Variants in ZFP62 observed in about 807,000 individuals in gnomAD.
ZFP62 encodes zinc finger protein 62 homolog.
A neutral mutation model predicts 56.4 loss-of-function variants in ZFP62; 44 were observed. The ratio of observed to expected loss-of-function variants is 0.78; its 90% confidence interval spans 0.61 to 1.00. ZFP62 has a LOEUF of 1.00. Among genes scored for constraint, ZFP62 ranks in the 50% least tolerant of loss-of-function variants. The pLI, the probability that ZFP62 is intolerant of heterozygous loss-of-function variation, is 0.00. For missense variants in ZFP62, 1,030 were observed against 1,085.7 expected (o/e 0.95, Z 0.72); for synonymous variants, 421 against 388.9 (o/e 1.08, Z -0.97).
downstream of ZFP62, among the ~76,000 whole-genome samples, chr5:180,845,229 G>A (rs1773388526): frequency 6.6e-6 from 1 of 150,610 alleles, no homozygotes; most frequent in African/African-American, 2.5e-5. Flanking sequence ...AGCTACTCTG[G>A]AGGCTGAGGC....
At chr5:180,839,164 C>G in the ZFP62 span, among the ~76,000 whole-genome samples, 72 of 152,182 alleles carry the variant, frequency 4.7e-4, no homozygotes, top group Non-Finnish European at 9.3e-4. Context: ...TATATACAGT[C>G]AGGTTCCTTT....
the ZFP62 span, among the ~76,000 whole-genome samples, chr5:180,833,458 G>A: frequency 5.1e-4 from 72 of 142,464 alleles, no homozygotes; most frequent in East Asian, 0.012. Flanking sequence ...CAGCCTGGGC[G>A]ATACGGTGAA....
chr5:180,857,797 CT>C (rs5873717), intron 1 of ZFP62, among the ~76,000 whole-genome samples: 110,055 of 143,726 alleles, frequency 0.77, 42,212 homozygotes, highest in East Asian at 0.96. Context: ...GCACCCAGAC[CT>C]TTTTTTTTTT....
In ZFP62 at chr5:180,851,136, T is replaced by C; in HGVS notation, c.359A>G (p.Glu120Gly). Residue 120 changes from glutamate to glycine, a missense_variant, in exon 2 of 2, where the codon GAG (glutamate) becomes GGG (glycine). Coordinates refer to ENST00000502412, the MANE Select transcript of ZFP62 (RefSeq NM_001172638.2). ...QRGSEQGKRV[E>G]NINGTSYPSL... Reference sequence around the variant, plus strand: ...AGGGTAGGAGGTTCCATTAATGTTCTCCACACGTTTGCCTTGCTCACTGCC... The same window carrying C: ...AGGGTAGGAGGTTCCATTAATGTTCCCCACACGTTTGCCTTGCTCACTGCC... 6.4e-7 allele frequency: 1 copy of C among 1,551,768 alleles called. No individual in the cohort carries two copies. The highest frequency in any genetic ancestry group is 8.7e-7 in the Non-Finnish European group (1 of 1,147,002).
At chr5:180,829,719 G>A in the ZFP62 span, among the ~76,000 whole-genome samples, 2 of 152,202 alleles carry the variant, frequency 1.3e-5, no homozygotes, top group African/African-American at 4.8e-5. Flanking sequence ...AAGGTGGAAA[G>A]AGAAGCTCAT....
chr5:180,851,062 C>T lies in ZFP62; in HGVS notation c.433G>A (p.Glu145Lys), dbSNP rs1242713142. 6.4e-7 allele frequency: 1 copy of T among 1,551,732 alleles called. No homozygotes were observed. Among genetic ancestry groups the T allele is most frequent in the East Asian group, 2.4e-5 (1 of 40,926 alleles). ...NAVKKLHKCD[E>K]CGKSFKYNSR... ...TTATATTTGAAGGATTTCCCACATT[C>T]ATCACATTTATGTAATTTCTTAACA... The change falls in exon 2 of 2, where the codon GAA becomes AAA. Residue 145 changes from glutamate to lysine, a missense_variant. Glu to Lys is a moderately conservative substitution (Grantham distance 56). Transcript: ENST00000502412.
At position 180,852,283 on chromosome 5, in the gene ZFP62, T is replaced by C. The variant is rs564501163; in HGVS notation, c.2-790A>G. The stretch of plus-strand genomic sequence containing the variant: ...GGAAAAAGATAAAATTAAGGCTGGG[T>C]GCAGTGGCTCACACCTGTAATCCCA... On this transcript the variant is annotated intron_variant, in intron 1 of 1. Coordinates refer to ENST00000502412, the MANE Select transcript of ZFP62 (RefSeq NM_001172638.2). Among the ~76,000 whole-genome samples, 14 of 152,112 alleles carry C rather than the reference T, an allele frequency of 9.2e-5. No individual in the cohort carries two copies. The East Asian group carries it at 2.1e-3, about 23-fold the overall frequency.
chr5:180,827,663 C>A, the ZFP62 span, among the ~76,000 whole-genome samples: 1 of 152,174 alleles, frequency 6.6e-6, no homozygotes, highest in Non-Finnish European at 1.5e-5. Flanking sequence ...AAGACCTGAC[C>A]GTCCCCCAGC....
the ZFP62 span, among the ~76,000 whole-genome samples, chr5:180,827,895 G>A: frequency 1.1e-4 from 16 of 152,256 alleles, no homozygotes; most frequent in Non-Finnish European, 2.4e-4. Context: ...GTAAAGCATT[G>A]AGATGTTTAT....
At chr5:180,843,186 G>T (rs1773349659), downstream of ZFP62, among the ~76,000 whole-genome samples, 3 of 151,604 alleles carry the variant, frequency 2.0e-5, no homozygotes. Context: ...ATATAGGATG[G>T]AAGGTAAGAA....
the ZFP62 span, among the ~76,000 whole-genome samples, chr5:180,840,201 C>G: frequency 5.9e-4 from 90 of 152,314 alleles, no homozygotes; most frequent in Non-Finnish European, 2.1e-4. Flanking sequence ...TGCTTGGGCA[C>G]AGTGGACAGT....
Position 180,857,174 on chromosome 5 carries a change from C to A in ZFP62, c.1+4045G>T, listed in dbSNP as rs145962627. Among the ~76,000 whole-genome samples the A allele has an allele frequency of 6.8e-3, 1,031 of 152,130 alleles. 2 individuals are homozygous for A. Among genetic ancestry groups the A allele is most frequent in the Non-Finnish European group, 0.012 (791 of 67,996 alleles). On this transcript the variant is annotated intron_variant, in intron 1 of 1. Coordinates refer to ENST00000502412, the MANE Select transcript of ZFP62 (RefSeq NM_001172638.2). ...AACCATAAGGAGTCCAGACTTGATC[C>A]TCGGGAGCTTCGGGCAAAGGAGTAG...
At chr5:180,851,666 A>G (rs1026100388) in intron 1 of ZFP62, among the ~76,000 whole-genome samples, 173 bp from the exon 2 acceptor site, 6 of 152,268 alleles carry the variant, frequency 3.9e-5, no homozygotes, top group African/African-American at 1.4e-4. Context: ...AACAATGAAT[A>G]TGACAAAATT....
chr5:180,848,156 A>G lies in ZFP62; in HGVS notation c.*636T>C. The G allele has an allele frequency of 5.1e-6, 5 of 985,066 alleles. No individual in the cohort carries two copies. Among genetic ancestry groups the G allele is most frequent in the Non-Finnish European group, 6.0e-6 (5 of 829,850 alleles). The allele number at this position is 985,066 out of a possible 1,614,324, so 61.0% of individuals were successfully genotyped here. A position where few individuals can be genotyped will look rare whatever the true frequency, so the allele number is the denominator to read the frequency against. ...CATCAATTTGCATTTTTTATGAGTG[A>G]CTCTCTCCTATCTCCTGTTAGACTT... On this transcript the variant is annotated 3_prime_UTR_variant, in exon 2 of 2. Coordinates refer to ENST00000502412, the MANE Select transcript of ZFP62 (RefSeq NM_001172638.2).
At chr5:180,833,180 T>C in the ZFP62 span, among the ~76,000 whole-genome samples, 1 of 152,054 alleles carries the variant, frequency 6.6e-6, no homozygotes, top group Non-Finnish European at 1.5e-5. Flanking sequence ...GGAGCCCTCA[T>C]GAATGGAATG....
Position 180,861,263 on chromosome 5 carries a change from A to C in ZFP62, c.-44T>G, listed in dbSNP as rs1427247586. 1.8e-5 allele frequency: 7 copies of C among 397,380 alleles called. No individual in the cohort carries two copies. The highest frequency in any genetic ancestry group is 3.1e-5 in the Non-Finnish European group (7 of 225,330). 24.6% of individuals were successfully genotyped at this position (397,380 alleles called of 1,614,324 possible). On this transcript the variant is annotated 5_prime_UTR_variant, in exon 1 of 2. Transcript: ENST00000502412. ...GGAACCCGGCCGCCAGCGGGACAAA[A>C]GCGCGGACCGCACGGCCGGAAGAAC... is the stretch of plus-strand genomic sequence containing the variant.
chr5:180,836,358 C>G, the ZFP62 span, among the ~76,000 whole-genome samples: 1 of 152,188 alleles, frequency 6.6e-6, no homozygotes, highest in Admixed American at 6.5e-5. Context: ...CTTTTCTTGC[C>G]TCTTTCAGCT....
At chr5:180,854,428 G>C (rs571512770) in intron 1 of ZFP62, among the ~76,000 whole-genome samples, 2 of 152,256 alleles carry the variant, frequency 1.3e-5, no homozygotes, top group Non-Finnish European at 2.9e-5. Flanking sequence ...AAATGTAGAA[G>C]GAATACCAGA....
chr5:180,855,238 A>T (rs1773907691), intron 1 of ZFP62, among the ~76,000 whole-genome samples: 1 of 152,200 alleles, frequency 6.6e-6, no homozygotes. Flanking sequence ...CGTATTCTTG[A>T]ATTTTTTCTG....
Sources: gnomAD v4.1 joint callset for allele counts (sites outside exome capture counted in the v4.1 genomes callset) on GRCh38, gnomAD v4.1.1 for gene constraint, MANE v1.5 for transcripts, NCBI Gene and HGNC (gene_info 2026-07-23, HGNC 2026-07-21) for gene names.